NEK11: variants seen among roughly 807,000 people sequenced by gnomAD.
NEK11 encodes the protein NIMA related kinase 11.
NEK11 carries 72 observed loss-of-function variants against 80.7 expected under a neutral mutation model. The observed-to-expected ratio is 0.89, with a 90% confidence interval of 0.74 to 1.08. The LOEUF (loss-of-function observed/expected upper bound fraction) is 1.08, where lower values mean the gene tolerates loss of function less well. Ranked by LOEUF, NEK11 falls within the 50% of genes least tolerant of loss-of-function variation. The pLI is 0.00. For missense variants in NEK11, 764 were observed against 763.6 expected (o/e 1.00, Z -0.01); for synonymous variants, 251 against 260.7 (o/e 0.96, Z 0.36).
At chr3:131,134,087 A>G in intron 7 of NEK11, 131 bp downstream of exon 7, 1 of 760,222 alleles carries the variant, frequency 1.3e-6, no homozygotes, top group Non-Finnish European at 1.9e-6. Context: ...TGACCAGAGT[A>G]AAAGAAGGTC....
chr3:131,045,346 G>A (rs1219784907), intron 3 of NEK11, among the ~76,000 whole-genome samples: 1 of 152,090 alleles, frequency 6.6e-6, no homozygotes, highest in Non-Finnish European at 1.5e-5. Context: ...GTTTTGATAG[G>A]TTTTGTCACT....
chr3:131,028,096 G>A (rs2064171220), intron 2 of NEK11, 94 bp downstream of exon 2: 1 of 152,176 alleles, frequency 6.6e-6, no homozygotes, highest in Admixed American at 6.5e-5. Flanking sequence ...GGTATATTTA[G>A]AGGCCTGCTC....
At chr3:131,186,767 A>G (rs2093617749) in intron 14 of NEK11, among the ~76,000 whole-genome samples, 1 of 152,194 alleles carries the variant, frequency 6.6e-6, no homozygotes, top group African/African-American at 2.4e-5. Context: ...CAATAGATTA[A>G]AATATAGAGC....
chr3:131,271,849 G>T (rs527764588), intron 16 of NEK11, among the ~76,000 whole-genome samples: 2 of 151,668 alleles, frequency 1.3e-5, no homozygotes, highest in Non-Finnish European at 2.9e-5. Flanking sequence ...CCAGCAGTTT[G>T]GGAGGCCGAG....
intron 14 of NEK11, among the ~76,000 whole-genome samples, chr3:131,213,594 A>G (rs1468995234): frequency 6.6e-6 from 1 of 152,192 alleles, no homozygotes; most frequent in Admixed American, 6.5e-5. Context: ...TGGTGGTCTT[A>G]GTTAGAATCT....
intron 7 of NEK11, among the ~76,000 whole-genome samples, chr3:131,146,755 T>C (rs2088384754): frequency 6.6e-6 from 1 of 152,080 alleles, no homozygotes; most frequent in African/African-American, 2.4e-5. Flanking sequence ...GTGTGTAGCA[T>C]GTAGTGGTAG....
chr3:131,248,585 T>A (rs770514006), intron 16 of NEK11, among the ~76,000 whole-genome samples: 30 of 152,020 alleles, frequency 2.0e-4, no homozygotes, highest in Non-Finnish European at 3.8e-4. Context: ...TGGCCTGGAT[T>A]GCATGGTCCC....
At chr3:131,268,348 G>A (rs568098458) in intron 16 of NEK11, among the ~76,000 whole-genome samples, 2 of 152,242 alleles carry the variant, frequency 1.3e-5, no homozygotes, top group Admixed American at 6.5e-5. Context: ...AGGGGAAGAG[G>A]CATTCTGATT....
intron 4 of NEK11, among the ~76,000 whole-genome samples, chr3:131,081,369 T>C (rs1450245449): frequency 6.6e-6 from 1 of 152,196 alleles, no homozygotes. Flanking sequence ...TATCAATTTG[T>C]GGTTTACAGC....
intron 17 of NEK11, among the ~76,000 whole-genome samples, chr3:131,332,046 A>G (rs992679883): frequency 1.3e-5 from 2 of 152,244 alleles, no homozygotes; most frequent in African/African-American, 4.8e-5. Context: ...GGGCACAGAC[A>G]AACAAAAAGA....
intron 17 of NEK11, among the ~76,000 whole-genome samples, chr3:131,306,912 G>T (rs1308846920): frequency 6.6e-6 from 1 of 152,084 alleles, no homozygotes; most frequent in Non-Finnish European, 1.5e-5. Context: ...CCCCAGCACT[G>T]GTCCCCGCAA....
chr3:131,308,264 G>A lies in NEK11; in HGVS notation c.1718+34690G>A, dbSNP rs115001704. ...ATGGAGCCTCATCAGTCTTTAGTAAGGGGTTCTGCTGGGTTGGTTTGCCTA... is the reference window on the plus strand; with the variant it reads ...ATGGAGCCTCATCAGTCTTTAGTAAAGGGTTCTGCTGGGTTGGTTTGCCTA... On this transcript the variant is annotated intron_variant, in intron 17 of 17. Transcript: ENST00000383366. Among the ~76,000 whole-genome samples, 1,415 of 152,320 alleles carry A rather than the reference G, an allele frequency of 9.3e-3. 16 individuals carry two copies. Among genetic ancestry groups the A allele is most frequent in the African/African-American group, 0.03 (1,264 of 41,572 alleles).
chr3:131,285,380 T>C (rs2096458063), intron 17 of NEK11, among the ~76,000 whole-genome samples: 1 of 152,112 alleles, frequency 6.6e-6, no homozygotes, highest in South Asian at 2.1e-4. Context: ...GCAGAGTTCA[T>C]TGAGGGGGCT....
chr3:131,051,180 A>C (rs2068345303), intron 3 of NEK11, among the ~76,000 whole-genome samples: 1 of 152,218 alleles, frequency 6.6e-6, no homozygotes, highest in South Asian at 2.1e-4. Context: ...GGAGAGTTTT[A>C]ATTCCAGTTA....
At chr3:131,306,961 T>A (rs920605400) in intron 17 of NEK11, among the ~76,000 whole-genome samples, 3 of 152,158 alleles carry the variant, frequency 2.0e-5, no homozygotes, top group Non-Finnish European at 4.4e-5. Context: ...AAGCCATGAC[T>A]CCATGGATTT....
intron 7 of NEK11, among the ~76,000 whole-genome samples, chr3:131,140,897 T>A (rs1414656488): frequency 6.6e-6 from 1 of 152,116 alleles, no homozygotes; most frequent in Non-Finnish European, 1.5e-5. Flanking sequence ...CCCCTAGCAC[T>A]GGACCATCTG....
chr3:131,071,445 C>A (rs183228656), intron 3 of NEK11, among the ~76,000 whole-genome samples: 1 of 151,326 alleles, frequency 6.6e-6, no homozygotes, highest in Non-Finnish European at 1.5e-5. Context: ...TTTTGATTGG[C>A]GAATCATCCA....
At chr3:131,273,819 C>T (rs1353493456) in intron 17 of NEK11, among the ~76,000 whole-genome samples, 1 of 152,114 alleles carries the variant, frequency 6.6e-6, no homozygotes, top group Non-Finnish European at 1.5e-5. Flanking sequence ...AGTATTCTTG[C>T]AGCACAGCAC....
chr3:131,128,138 A>G lies in NEK11; in HGVS notation c.456-4607A>G, dbSNP rs185649101. On this transcript the variant is annotated intron_variant, in intron 5 of 17. Coordinates refer to ENST00000383366, the MANE Select transcript of NEK11 (RefSeq NM_024800.5). ...CATTGCTACCAGTCATACATTTGTT[A>G]TAACAGATGAACCTACATTGACAGA... Among the ~76,000 whole-genome samples the G allele has an allele frequency of 1.1e-4, 17 of 152,330 alleles. No individual in the cohort carries two copies. In the East Asian group the frequency reaches 3.3e-3, roughly 29 times the overall value.
Sources: allele counts gnomAD v4.1 joint callset (sites outside exome capture counted in the v4.1 genomes callset), GRCh38; gene constraint gnomAD v4.1.1; transcripts MANE v1.5; gene names NCBI Gene and HGNC (gene_info 2026-07-23, HGNC 2026-07-21).